The following LPA variants were observed in gnomAD, a reference collection of about 807,000 sequenced individuals.
LPA encodes apolipoprotein(a).
Under a neutral mutation model 197.9 loss-of-function variants are expected in LPA, and 199 were observed. The observed-to-expected ratio is 1.01, with a 90% confidence interval of 0.90 to 1.13. The LOEUF (loss-of-function observed/expected upper bound fraction) is 1.13, where lower values mean the gene tolerates loss of function less well. LPA is among the 50% of genes most tolerant of loss of function. LPA has a pLI of 0.00. For missense variants in LPA, 1,853 were observed against 1,785.8 expected (o/e 1.04, Z -0.68); for synonymous variants, 715 against 639.5 (o/e 1.12, Z -1.78).
At chr6:160,654,043 AATATATAATATATTATATATATTAT>A (rs1780076339) in intron 1 of LPA, among the ~76,000 whole-genome samples, 4 of 7,170 alleles carry the variant, frequency 5.6e-4, no homozygotes, top group Non-Finnish European at 9.1e-4. Flanking sequence ...TATTATATAT[AATATATAATATATTATATATATTAT>A]ATATAATATA....
chr6:160,577,257 G>T lies in LPA; in HGVS notation c.4510C>A (p.His1504Asn). 2.5e-6 allele frequency: 4 copies of T among 1,613,790 alleles called. No individual in the cohort carries two copies. Among genetic ancestry groups the T allele is most frequent in the Non-Finnish European group, 3.4e-6 (4 of 1,179,812 alleles). Residue 1504 changes from histidine (H) to asparagine (N), a missense_variant, in exon 28 of 39, where the codon CAT becomes AAT. Physicochemically the swap from His to Asn is moderately conservative, Grantham distance 68. Around this residue, in one of 3 missense-constraint regions of LPA, gnomAD observed 1,737 missense variants for 1,504.4 expected, o/e 1.15. Coordinates refer to ENST00000316300, the MANE Select transcript of LPA (RefSeq NM_005577.4). ...CCTCGATAACTCCGTCCATCACCAT[G>T]GTAGCAATCCTGGACCACAGGGCTT... ...EKSPVVQDCY[H>N]GDGRSYRGIS...
At chr6:160,592,163 T>C (rs913550509) in intron 22 of LPA, among the ~76,000 whole-genome samples, 1 of 152,212 alleles carries the variant, frequency 6.6e-6, no homozygotes, top group Non-Finnish European at 1.5e-5. Flanking sequence ...ATATATTAAA[T>C]GTGTGGATGT....
intron 36 of LPA, 134 bp downstream of exon 36, chr6:160,539,909 C>G (rs767390615): frequency 3.5e-5 from 42 of 1,213,332 alleles, no homozygotes; most frequent in Non-Finnish European, 5.0e-5. Flanking sequence ...TTGATGCTGT[C>G]CCCAAAGCCC....
chr6:160,579,245 C>G (rs1778744597), intron 26 of LPA, among the ~76,000 whole-genome samples: 1 of 152,048 alleles, frequency 6.6e-6, no homozygotes, highest in African/African-American at 2.4e-5. Flanking sequence ...CATAAATGCT[C>G]TACATTTGCA....
chr6:160,578,935 C>G (rs1175126513), intron 26 of LPA, among the ~76,000 whole-genome samples: 1 of 152,168 alleles, frequency 6.6e-6, no homozygotes, highest in African/African-American at 2.4e-5. Flanking sequence ...GTAGTATATG[C>G]TCTCTATGAA....
Position 160,577,235 on chromosome 6 carries a change from C to T in LPA, c.4532G>A (p.Arg1511Gln), listed in dbSNP as rs746819045. 1.7e-5 allele frequency: 28 copies of T among 1,613,676 alleles called. No homozygotes were observed. The highest frequency in any genetic ancestry group is 2.7e-5 in the African/African-American group (2 of 74,856). Residue 1511 changes from arginine (R) to glutamine (Q), a missense_variant, in exon 28 of 39, where the codon CGA (arginine) becomes CAA (glutamine). Physicochemically the swap from Arg to Gln is conservative, Grantham distance 43. This residue lies in a region of LPA where 1,737 missense variants were observed against 1,504.4 expected (regional missense o/e 1.15). Coordinates refer to ENST00000316300, the MANE Select transcript of LPA (RefSeq NM_005577.4). ...TGTGACAGTGGTGGAGGATATGCCT[C>T]GATAACTCCGTCCATCACCATGGTA... ...DCYHGDGRSY[R>Q]GISSTTVTGR...
chr6:160,536,838 G>T (rs913511679), intron 37 of LPA, among the ~76,000 whole-genome samples: 1 of 152,180 alleles, frequency 6.6e-6, no homozygotes, highest in African/African-American at 2.4e-5. Context: ...AAAAAGGGAA[G>T]CCTACTTTGA....
chr6:160,590,183 C>G (rs929546305), intron 23 of LPA, among the ~76,000 whole-genome samples: 2 of 152,198 alleles, frequency 1.3e-5, no homozygotes, highest in Non-Finnish European at 1.5e-5. Context: ...GGTCCTCCAT[C>G]TAGGACTTCC....
At position 160,591,121 on chromosome 6, in the gene LPA, A is replaced by G. The variant is rs761329964; in HGVS notation, c.3630-20T>C. 8 of 1,612,740 alleles carry G rather than the reference A, an allele frequency of 5.0e-6. No homozygotes were observed. In the Admixed American group the frequency reaches 1.0e-4, roughly 20 times the overall value. On this transcript the variant is annotated intron_variant, in intron 22 of 38. Transcript: ENST00000316300. Reference sequence around the variant, plus strand: ...AGGCCACTGCAAATTACAAAACAATACAGTTCACCAGAGATGGGAGAAGAT... The same window carrying G: ...AGGCCACTGCAAATTACAAAACAATGCAGTTCACCAGAGATGGGAGAAGAT...
intron 28 of LPA, among the ~76,000 whole-genome samples, chr6:160,565,527 A>G (rs1778436259): frequency 6.6e-6 from 1 of 152,166 alleles, no homozygotes; most frequent in Non-Finnish European, 1.5e-5. Flanking sequence ...TCTGTACATC[A>G]CCATCATCAA....
intron 16 of LPA, among the ~76,000 whole-genome samples, chr6:160,608,673 G>T (rs1425318918): frequency 6.6e-6 from 1 of 152,038 alleles, no homozygotes; most frequent in Non-Finnish European, 1.5e-5. Flanking sequence ...AAAGTTTTCG[G>T]CCATCCTTGA....
chr6:160,541,484 A>G lies in LPA; in HGVS notation c.5520-303T>C, dbSNP rs367868203. On this transcript the variant is annotated intron_variant, in intron 34 of 38. Coordinates refer to ENST00000316300, the MANE Select transcript of LPA (RefSeq NM_005577.4). The stretch of plus-strand genomic sequence containing the variant: ...GCTCTATAGCTGTGGCTTTCACCCC[A>G]CAGCCCTGGACTCTGACAAAAGTGA... Among the ~76,000 whole-genome samples, 6 of 152,144 alleles carry G rather than the reference A, an allele frequency of 3.9e-5. No homozygotes were observed. The East Asian group carries it at 5.8e-4, about 15-fold the overall frequency.
At chr6:160,599,264 A>G (rs1046984216) in intron 20 of LPA, among the ~76,000 whole-genome samples, 3 of 152,014 alleles carry the variant, frequency 2.0e-5, no homozygotes. Context: ...AATGGTGTGA[A>G]CCCGGGAGGC....
intron 30 of LPA, among the ~76,000 whole-genome samples, chr6:160,552,219 CAT>C (rs1778177902): frequency 1.3e-5 from 2 of 152,266 alleles, no homozygotes; most frequent in East Asian, 1.9e-4. Context: ...GCCAATACCA[CAT>C]GTCTTGATTC....
chr6:160,591,212 T>A (rs1562334881), intron 22 of LPA, 111 bp from the exon 23 acceptor site: 2 of 1,355,188 alleles, frequency 1.5e-6, no homozygotes, highest in Non-Finnish European at 2.1e-6. Context: ...TTTGAAATAT[T>A]CTCACTAAAG....
rs112191363 is a variant in LPA, at chr6:160,558,002, G to C, written c.4632-431C>G. Among the ~76,000 whole-genome samples, 543 of 151,794 alleles carry C rather than the reference G, an allele frequency of 3.6e-3. 1 individual carries two copies. The highest frequency in any genetic ancestry group is 9.9e-3 in the African/African-American group (408 of 41,386). On this transcript the variant is annotated intron_variant, in intron 28 of 38. Transcript: ENST00000316300. ...TGGCGCAATCTCGGCTCACTGCAAG[G>C]TCTGCCTCCTGGGTTCAAGCCATTC...
intron 30 of LPA, 120 bp from the exon 31 acceptor site, chr6:160,548,779 A>G: frequency 9.8e-7 from 1 of 1,022,786 alleles, no homozygotes; most frequent in Non-Finnish European, 1.5e-6. Flanking sequence ...TTCCCATTAA[A>G]GGTATCATAC....
At chr6:160,611,319 C>G (rs1452026364) in intron 16 of LPA, among the ~76,000 whole-genome samples, 1 of 152,098 alleles carries the variant, frequency 6.6e-6, no homozygotes, top group Non-Finnish European at 1.5e-5. Context: ...TGACTTTCTT[C>G]ATAAGGTGAT....
At chr6:160,533,020 T>A (rs539493787) in intron 37 of LPA, among the ~76,000 whole-genome samples, 1 of 152,244 alleles carries the variant, frequency 6.6e-6, no homozygotes, top group Non-Finnish European at 1.5e-5. Context: ...CTTCTTTTAC[T>A]ATTACATCAT....
Sources: allele counts gnomAD v4.1 joint callset (sites outside exome capture counted in the v4.1 genomes callset), GRCh38; gene constraint gnomAD v4.1.1; regional missense constraint gnomAD v4.1.1; transcripts MANE v1.5; gene names NCBI Gene and HGNC (gene_info 2026-07-23, HGNC 2026-07-21).